Variants in SFRP1 observed in about 807,000 individuals in gnomAD.
The protein encoded by SFRP1 is secreted frizzled related protein 1.
A neutral mutation model predicts 25.9 loss-of-function variants in SFRP1; 9 were observed. The ratio of observed to expected loss-of-function variants is 0.35; its 90% CI spans 0.21 to 0.61. The LOEUF is 0.61. Among genes scored for constraint, SFRP1 ranks in the 20% least tolerant of loss-of-function variants. The pLI, the probability that SFRP1 is intolerant of heterozygous loss-of-function variation, is 0.78. For missense variants in SFRP1, 346 were observed against 418.2 expected, an observed-to-expected ratio of 0.83 and a Z score of 1.51; for synonymous variants, 178 against 174.0, an observed-to-expected ratio of 1.02 and a Z score of -0.18.
chr8:41,280,445 G>T (rs1248034695), intron 2 of SFRP1, among the ~76,000 whole-genome samples: 1 of 152,138 alleles, frequency 6.6e-6, no homozygotes, highest in African/African-American at 2.4e-5. Flanking sequence ...CCGCTGGCAC[G>T]CATTCAAGGC....
intron 2 of SFRP1, among the ~76,000 whole-genome samples, chr8:41,286,684 T>C (rs1339512017): frequency 6.6e-6 from 1 of 152,146 alleles, no homozygotes. Flanking sequence ...CACCCTGGCG[T>C]CATCCCTTTC....
chr8:41,305,152 C>T (rs761584247), intron 1 of SFRP1, among the ~76,000 whole-genome samples: 4 of 152,174 alleles, frequency 2.6e-5, no homozygotes, highest in Non-Finnish European at 4.4e-5. Context: ...TTTGGGTTTT[C>T]CTTGTTTAGG....
intron 2 of SFRP1, among the ~76,000 whole-genome samples, chr8:41,272,952 A>T (rs1287007319): frequency 6.6e-6 from 1 of 152,216 alleles, no homozygotes; most frequent in African/African-American, 2.4e-5. Context: ...ATCTAATACA[A>T]AGGATCAGTA....
At chr8:41,277,211 C>T (rs1035589048) in intron 2 of SFRP1, among the ~76,000 whole-genome samples, 1 of 151,378 alleles carries the variant, frequency 6.6e-6, no homozygotes, top group African/African-American at 2.4e-5. Context: ...TCTTCCACCC[C>T]CAGCCCCCCA....
intron 2 of SFRP1, among the ~76,000 whole-genome samples, chr8:41,280,172 C>T (rs778477082): frequency 6.6e-5 from 10 of 152,156 alleles, no homozygotes; most frequent in Non-Finnish European, 1.3e-4. Flanking sequence ...TGACGGAGCT[C>T]ATACAGTTTT....
intron 2 of SFRP1, among the ~76,000 whole-genome samples, chr8:41,275,786 G>A (rs971815181): frequency 3.2e-4 from 49 of 152,110 alleles, no homozygotes; most frequent in African/African-American, 1.1e-3. Flanking sequence ...TCACTTTGTC[G>A]CCCAGGCTGG....
chr8:41,285,334 A>G (rs952266976), intron 2 of SFRP1, among the ~76,000 whole-genome samples: 1 of 151,994 alleles, frequency 6.6e-6, no homozygotes, highest in Non-Finnish European at 1.5e-5. Flanking sequence ...TTCCCCACGC[A>G]CTATTCCCTT....
Position 41,267,636 on chromosome 8 carries a change from G to C in SFRP1, c.623-2147C>G, listed in dbSNP as rs147426857. On this transcript the variant is annotated intron_variant, in intron 2 of 2. Coordinates refer to ENST00000220772, the MANE Select transcript of SFRP1 (RefSeq NM_003012.5). ...TGTGACCTGCCAGAACATGTGCTAA[G>C]TATTTTCCGTGCATTTCCTCAGTTA... is the stretch of plus-strand genomic sequence containing the variant. 6.6e-3 allele frequency among the ~76,000 whole-genome samples: 998 copies of C among 152,324 alleles called. 11 individuals carry two copies. Among genetic ancestry groups the C allele is most frequent in the African/African-American group, 0.022 (905 of 41,562 alleles).
At chr8:41,296,775 AGG>A (rs1221650834) in intron 2 of SFRP1, among the ~76,000 whole-genome samples, 2 of 152,148 alleles carry the variant, frequency 1.3e-5, no homozygotes, top group African/African-American at 4.8e-5. Flanking sequence ...CTAAATTAAA[AGG>A]AGAACGCGTT....
chr8:41,282,211 T>C (rs1264715668), intron 2 of SFRP1, among the ~76,000 whole-genome samples: 1 of 152,224 alleles, frequency 6.6e-6, no homozygotes, highest in Non-Finnish European at 1.5e-5. Context: ...CTCTGTGTTT[T>C]GTAATGTTAG....
chr8:41,283,617 C>T (rs1803662974), intron 2 of SFRP1, among the ~76,000 whole-genome samples: 1 of 146,578 alleles, frequency 6.8e-6, no homozygotes, highest in Admixed American at 6.9e-5. Flanking sequence ...TTCTCTCTGT[C>T]ACCCAGGCTG....
In SFRP1 at chr8:41,268,377, G is replaced by A. The variant is rs560915456; in HGVS notation, c.623-2888C>T. On this transcript the variant is annotated intron_variant, in intron 2 of 2. Transcript: ENST00000220772. ...TTTCCTGCCATACACACCACGACCC[G>A]GTTAGAAGTGATATTGCTTCATTGG... is the stretch of plus-strand genomic sequence containing the variant. Among the ~76,000 whole-genome samples the A allele has an allele frequency of 2.6e-5, 4 of 152,226 alleles. No individual in the cohort carries two copies. The South Asian group carries it at 6.2e-4, about 24-fold the overall frequency.
At chr8:41,268,949 C>A (rs1355466646) in intron 2 of SFRP1, among the ~76,000 whole-genome samples, 1 of 152,218 alleles carries the variant, frequency 6.6e-6, no homozygotes, top group Non-Finnish European at 1.5e-5. Context: ...GCAGCTGGGG[C>A]AACAGCTGGA....
chr8:41,306,937 T>G (rs1804006104), intron 1 of SFRP1: 5 of 1,542,806 alleles, frequency 3.2e-6, no homozygotes, highest in Non-Finnish European at 3.5e-6. Flanking sequence ...ATGTTCCCTG[T>G]GGACTGCAGC....
chr8:41,301,884 C>G (rs1255536753), intron 2 of SFRP1, among the ~76,000 whole-genome samples: 1 of 152,188 alleles, frequency 6.6e-6, no homozygotes, highest in Admixed American at 6.5e-5. Flanking sequence ...GTGCCTGCTG[C>G]CGTGGGAAGA....
intron 2 of SFRP1, among the ~76,000 whole-genome samples, chr8:41,287,128 G>A (rs1803715113): frequency 6.6e-6 from 1 of 152,216 alleles, no homozygotes; most frequent in African/African-American, 2.4e-5. Context: ...GTGCCACACA[G>A]GAGTCTTCCC....
intron 2 of SFRP1, among the ~76,000 whole-genome samples, chr8:41,272,826 C>T (rs1803527774): frequency 6.6e-6 from 1 of 152,016 alleles, no homozygotes; most frequent in Admixed American, 6.6e-5. Context: ...GAAAACTTTC[C>T]AGAAATGAAG....
chr8:41,273,276 G>A (rs547414405), intron 2 of SFRP1, among the ~76,000 whole-genome samples: 2 of 152,216 alleles, frequency 1.3e-5, no homozygotes, highest in South Asian at 4.2e-4. Context: ...GATTGCCTGG[G>A]CTCAGGAGTT....
intron 2 of SFRP1, chr8:41,275,359 G>C: frequency 3.2e-6 from 1 of 317,292 alleles, no homozygotes; most frequent in East Asian, 1.2e-4. Context: ...AAATCACCCA[G>C]AGACAGATAC....
Sources: gnomAD v4.1 joint callset for allele counts (sites outside exome capture counted in the v4.1 genomes callset) on GRCh38, gnomAD v4.1.1 for gene constraint, MANE v1.5 for transcripts, NCBI Gene and HGNC (gene_info 2026-07-23, HGNC 2026-07-21) for gene names.